The following RNF13 variants were observed in gnomAD, a reference collection of about 807,000 sequenced individuals.
RNF13 encodes ring finger protein 13, also known as E3 ubiquitin-protein ligase RNF13.
RNF13 carries 19 observed loss-of-function variants against 37.7 expected under a neutral mutation model. The observed-to-expected ratio is 0.50, with a 90% CI of 0.35 to 0.74. The LOEUF (loss-of-function observed/expected upper bound fraction) is 0.74, where lower values mean the gene tolerates loss of function less well. Ranked by LOEUF, RNF13 falls within the 30% of genes least tolerant of loss-of-function variation. The pLI, the probability that RNF13 is intolerant of heterozygous loss-of-function variation, is 0.01. For synonymous variants in RNF13, 144 were observed against 157.8 expected (o/e 0.91, Z 0.65); for missense variants, 375 against 453.0 (o/e 0.83, Z 1.56).
intron 1 of RNF13, among the ~76,000 whole-genome samples, chr3:149,814,657 T>C (rs1719240512): frequency 1.3e-5 from 2 of 152,186 alleles, no homozygotes; most frequent in African/African-American, 4.8e-5. Context: ...TAACAGTATG[T>C]GTGTGTCAAG....
At chr3:149,839,668 G>T (rs979165685) in intron 1 of RNF13, among the ~76,000 whole-genome samples, 3 of 152,230 alleles carry the variant, frequency 2.0e-5, no homozygotes, top group Admixed American at 1.3e-4. Context: ...CTCCCACGAG[G>T]TTTCTCCCAC....
intron 3 of RNF13, among the ~76,000 whole-genome samples, chr3:149,867,828 G>GT (rs995201991): frequency 1.3e-5 from 2 of 151,692 alleles, no homozygotes; most frequent in African/African-American, 2.4e-5. Context: ...TTTGTTGATT[G>GT]TTTTTTGTAT....
At chr3:149,851,387 T>C (rs1266725510) in intron 2 of RNF13, 3 of 152,122 alleles carry the variant, frequency 2.0e-5, no homozygotes, top group Admixed American at 1.3e-4. Context: ...AACTGTGGAG[T>C]TGCTTATCTG....
At position 149,960,780 on chromosome 3, in the gene RNF13, C is replaced by CA; in HGVS notation, c.829dup (p.Thr277AsnfsTer19). The CA allele has an allele frequency of 1.2e-6, 2 of 1,613,312 alleles. No homozygotes were observed. The highest frequency in any genetic ancestry group is 1.7e-6 in the Non-Finnish European group (2 of 1,179,624). On this transcript the variant is annotated frameshift_variant, in exon 10 of 10. Coordinates refer to ENST00000392894, the MANE Select transcript of RNF13 (RefSeq NM_183381.3). LOFTEE classifies it high-confidence loss of function. The stretch of plus-strand genomic sequence containing the variant: ...GTGTAGACCCTTGGCTAACTAAAAC[C>CA]AAAAAAACCTGTCCAGTGTGCAAGC...
In RNF13 at chr3:149,961,343, G is replaced by GAAAGT. The variant is rs1196470829; in HGVS notation, c.*241_*245dup. The stretch of plus-strand genomic sequence containing the variant: ...ATCAATTCAGCTCTTCTTTTGGAAT[G>GAAAGT]AAAGTATAGCCAAAACATAAAAAAA... On this transcript the variant is annotated 3_prime_UTR_variant, in exon 10 of 10. Transcript: ENST00000392894. 1.4e-5 allele frequency: 9 copies of GAAAGT among 630,792 alleles called. No homozygotes were observed. The African/African-American group carries it at 1.7e-4, about 12-fold the overall frequency. 39.1% of individuals were successfully genotyped at this position (630,792 alleles called of 1,614,324 possible). A position where few individuals can be genotyped will look rare whatever the true frequency, so the allele number is the denominator to read the frequency against.
At chr3:149,952,221 T>G (rs529758441) in intron 8 of RNF13, among the ~76,000 whole-genome samples, 1 of 152,264 alleles carries the variant, frequency 6.6e-6, no homozygotes, top group East Asian at 1.9e-4. Flanking sequence ...ACATTTCTGT[T>G]AGGAGCATTA....
At chr3:149,821,719 G>T (rs1214827366) in intron 1 of RNF13, among the ~76,000 whole-genome samples, 3 of 151,932 alleles carry the variant, frequency 2.0e-5, no homozygotes, top group African/African-American at 7.2e-5. Flanking sequence ...GTCATATCAA[G>T]AATCCATTTC....
At chr3:149,815,149 T>TA (rs1361786532) in intron 1 of RNF13, among the ~76,000 whole-genome samples, 60 of 152,294 alleles carry the variant, frequency 3.9e-4, no homozygotes, top group Non-Finnish European at 5.6e-4. Flanking sequence ...TCCCTTGATA[T>TA]TTTTCTGCAT....
intron 2 of RNF13, among the ~76,000 whole-genome samples, chr3:149,849,677 T>G (rs1576760030): frequency 1.3e-5 from 2 of 152,198 alleles, no homozygotes; most frequent in East Asian, 3.9e-4. Flanking sequence ...CTTGTTATTT[T>G]CAACATTCTG....
At chr3:149,853,331 C>T (rs1216732333) in intron 3 of RNF13, among the ~76,000 whole-genome samples, 1 of 152,058 alleles carries the variant, frequency 6.6e-6, no homozygotes, top group Non-Finnish European at 1.5e-5. Context: ...TCAATAACAT[C>T]TGAGACTGTC....
At chr3:149,959,033 A>G (rs1187489318) in intron 8 of RNF13, among the ~76,000 whole-genome samples, 1 of 152,184 alleles carries the variant, frequency 6.6e-6, no homozygotes, top group African/African-American at 2.4e-5. Flanking sequence ...CCATCCAGAT[A>G]ATTGCTTTAT....
At chr3:149,902,291 T>C (rs1715929849) in intron 6 of RNF13, 129 bp downstream of exon 6, 6 of 472,498 alleles carry the variant, frequency 1.3e-5, no homozygotes. Context: ...CCTTTTTAAA[T>C]CATTATGCTT....
chr3:149,856,737 C>T (rs947185257), intron 3 of RNF13, among the ~76,000 whole-genome samples: 3 of 151,996 alleles, frequency 2.0e-5, no homozygotes, highest in African/African-American at 7.3e-5. Flanking sequence ...GCTACTGCAC[C>T]TGGCCAAAAT....
intron 8 of RNF13, among the ~76,000 whole-genome samples, chr3:149,943,678 T>G (rs1278697067): frequency 2.0e-5 from 3 of 152,194 alleles, no homozygotes; most frequent in Non-Finnish European, 2.9e-5. Flanking sequence ...TTCTGCCTGT[T>G]TATCTCTCCC....
intron 4 of RNF13, among the ~76,000 whole-genome samples, chr3:149,889,947 T>G: frequency 6.6e-6 from 1 of 152,198 alleles, no homozygotes; most frequent in South Asian, 2.1e-4. Context: ...AGTCCTGGGA[T>G]TACAGGCATG....
At chr3:149,864,699 A>G (rs1275876677) in intron 3 of RNF13, among the ~76,000 whole-genome samples, 1 of 152,240 alleles carries the variant, frequency 6.6e-6, no homozygotes, top group Non-Finnish European at 1.5e-5. Flanking sequence ...TAAGTAAAAC[A>G]AAACTGAAGG....
chr3:149,954,058 G>A (rs1721613980), intron 8 of RNF13, among the ~76,000 whole-genome samples: 1 of 152,132 alleles, frequency 6.6e-6, no homozygotes, highest in African/African-American at 2.4e-5. Flanking sequence ...TTCAATAACA[G>A]TAAGTTTGAG....
At chr3:149,947,405 TTC>T (rs1559970035) in intron 8 of RNF13, among the ~76,000 whole-genome samples, 2 of 151,264 alleles carry the variant, frequency 1.3e-5, no homozygotes, top group African/African-American at 4.9e-5. Context: ...CTTCTTTCAG[TTC>T]TTTTTTTTTT....
intron 1 of RNF13, among the ~76,000 whole-genome samples, chr3:149,823,655 A>G (rs62268801): frequency 0.033 from 4,972 of 152,320 alleles, 117 homozygotes; most frequent in South Asian, 0.065. Context: ...TGTCAGCCAT[A>G]TAAAGCAGTA....
Sources: allele counts gnomAD v4.1 joint callset (sites outside exome capture counted in the v4.1 genomes callset), GRCh38; gene constraint gnomAD v4.1.1; transcripts MANE v1.5; gene names NCBI Gene and HGNC (gene_info 2026-07-23, HGNC 2026-07-21).